The following CCDC178 variants were observed in gnomAD, a reference collection of about 807,000 sequenced individuals.
The protein encoded by CCDC178 is coiled-coil domain-containing protein 178.
In CCDC178, 126 loss-of-function variants were observed where a neutral mutation model predicts 117.4. The ratio of observed to expected loss-of-function variants is 1.07; its 90% CI spans 0.93 to 1.24. CCDC178 has a LOEUF of 1.24. Ranked by LOEUF, CCDC178 falls within the 50% of genes most tolerant of loss-of-function variation. CCDC178 has a pLI of 0.00. For synonymous variants in CCDC178, 283 were observed against 313.4 expected (o/e 0.90, Z 1.02); for missense variants, 1,030 against 986.9 (o/e 1.04, Z -0.59).
At chr18:33,380,066 TG>T (rs1305591189) in intron 5 of CCDC178, among the ~76,000 whole-genome samples, 1 of 152,108 alleles carries the variant, frequency 6.6e-6, no homozygotes, top group Non-Finnish European at 1.5e-5. Flanking sequence ...GATTTCTATC[TG>T]GGGGTGGAGT....
At position 33,346,412 on chromosome 18, in the gene CCDC178, C is replaced by T. The variant is rs1555689712; in HGVS notation, c.458-1G>A. 1 of 1,596,246 alleles carries T rather than the reference C, an allele frequency of 6.3e-7. No individual in the cohort carries two copies. The highest frequency in any genetic ancestry group is 8.6e-7 in the Non-Finnish European group (1 of 1,165,846). Reference sequence around the variant, plus strand: ...TGCTTTAACTCTGGACACTTTTCATCTTAAACAGAAATAAATATTCACATT... The same window carrying T: ...TGCTTTAACTCTGGACACTTTTCATTTTAAACAGAAATAAATATTCACATT... On this transcript the variant is annotated splice_acceptor_variant, in intron 8 of 22. Transcript: ENST00000383096. LOFTEE classifies it high-confidence loss of function.
chr18:33,257,335 G>T (rs1250471501), intron 14 of CCDC178, among the ~76,000 whole-genome samples: 1 of 151,946 alleles, frequency 6.6e-6, no homozygotes. Flanking sequence ...TCTTCCTTCG[G>T]CCTTTGCTCA....
chr18:33,237,199 A>G (rs113188456), intron 15 of CCDC178, among the ~76,000 whole-genome samples: 13,941 of 151,970 alleles, frequency 0.092, 797 homozygotes, highest in African/African-American at 0.16. Context: ...CAGTGGCTAC[A>G]CTCTACAACC....
At chr18:33,082,193 T>G (rs556973796) in intron 21 of CCDC178, among the ~76,000 whole-genome samples, 1 of 152,248 alleles carries the variant, frequency 6.6e-6, no homozygotes, top group South Asian at 2.1e-4. Flanking sequence ...TAATTAGGTC[T>G]GGCATGGTGG....
At chr18:33,093,934 G>A (rs907094713) in intron 20 of CCDC178, among the ~76,000 whole-genome samples, 2 of 151,930 alleles carry the variant, frequency 1.3e-5, no homozygotes, top group African/African-American at 4.8e-5. Flanking sequence ...CCATTGTGAA[G>A]CAATTAAAAT....
chr18:32,999,767 C>A (rs2055594249), intron 21 of CCDC178, among the ~76,000 whole-genome samples: 1 of 152,088 alleles, frequency 6.6e-6, no homozygotes, highest in South Asian at 2.1e-4. Flanking sequence ...TCTGTAAGAG[C>A]CACATTTTAC....
intron 20 of CCDC178, among the ~76,000 whole-genome samples, chr18:33,154,520 C>A (rs2058372999): frequency 6.6e-6 from 1 of 151,652 alleles, no homozygotes; most frequent in Non-Finnish European, 1.5e-5. Context: ...TAGTAGAGAA[C>A]AACAATATAA....
chr18:33,187,264 A>C (rs2058807809), intron 20 of CCDC178, among the ~76,000 whole-genome samples: 1 of 152,074 alleles, frequency 6.6e-6, no homozygotes, highest in African/African-American at 2.4e-5. Flanking sequence ...TTACAATTCA[A>C]GATGAGATTT....
At chr18:33,181,007 A>T (rs2058727709) in intron 20 of CCDC178, among the ~76,000 whole-genome samples, 1 of 151,940 alleles carries the variant, frequency 6.6e-6, no homozygotes, top group African/African-American at 2.4e-5. Flanking sequence ...TTTTTTTCTA[A>T]AGGCAGCTTA....
At chr18:32,959,573 T>C (rs2054664655) in intron 22 of CCDC178, among the ~76,000 whole-genome samples, 1 of 152,130 alleles carries the variant, frequency 6.6e-6, no homozygotes, top group Non-Finnish European at 1.5e-5. Flanking sequence ...TTCATCTTTT[T>C]TGAGTTTTCT....
chr18:33,416,931 T>TA (rs34973221), intron 2 of CCDC178, among the ~76,000 whole-genome samples: 121,454 of 151,732 alleles, frequency 0.8, 48,839 homozygotes, highest in East Asian at 0.99. Flanking sequence ...TGACTAAAAT[T>TA]AAAAAAAATA....
rs149416520 is a variant in CCDC178 at position 33,253,995 on chromosome 18, G to A, written c.1410-8567C>T. Among the ~76,000 whole-genome samples the A allele has an allele frequency of 8.0e-4, 122 of 151,856 alleles. 1 individual carries two copies. The East Asian group carries it at 0.022, about 27-fold the overall frequency. ...AATAAAGTTTTTATTAATTAAAATA[G>A]TATATAAAGACTGCATGACTCTTTA... On this transcript the variant is annotated intron_variant, in intron 14 of 22. Transcript: ENST00000383096.
intron 2 of CCDC178, among the ~76,000 whole-genome samples, chr18:33,438,000 C>A (rs551997186): frequency 1.7e-4 from 26 of 152,130 alleles, no homozygotes; most frequent in African/African-American, 5.5e-4. Flanking sequence ...TTTAAATTTA[C>A]CTAACTGAAT....
chr18:32,983,889 C>A (rs1044628620), intron 21 of CCDC178, among the ~76,000 whole-genome samples: 1 of 151,900 alleles, frequency 6.6e-6, no homozygotes, highest in Non-Finnish European at 1.5e-5. Context: ...ATAACCCAAA[C>A]AATAGCAATT....
intron 15 of CCDC178, among the ~76,000 whole-genome samples, chr18:33,237,983 A>C (rs1012597191): frequency 6.6e-6 from 1 of 152,178 alleles, no homozygotes; most frequent in East Asian, 1.9e-4. Flanking sequence ...CTCTTAACAA[A>C]GTCACACCAC....
chr18:33,435,561 C>A (rs999699039), intron 2 of CCDC178, among the ~76,000 whole-genome samples: 1 of 151,960 alleles, frequency 6.6e-6, no homozygotes, highest in East Asian at 1.9e-4. Flanking sequence ...AGTCAACAGA[C>A]AGTAACACTA....
At chr18:33,247,045 G>A (rs894064602) in intron 14 of CCDC178, among the ~76,000 whole-genome samples, 1 of 150,360 alleles carries the variant, frequency 6.7e-6, no homozygotes, top group Non-Finnish European at 1.5e-5. Flanking sequence ...GGAGAGAGAG[G>A]GGTGTATGTG....
At chr18:33,187,231 G>A (rs1008903130) in intron 20 of CCDC178, among the ~76,000 whole-genome samples, 7 of 151,978 alleles carry the variant, frequency 4.6e-5, no homozygotes, top group Admixed American at 4.6e-4. Context: ...CTCCCATCAG[G>A]TCCCTCCCTT....
chr18:33,231,960 T>C (rs187518049), intron 15 of CCDC178, among the ~76,000 whole-genome samples: 166 of 152,310 alleles, frequency 1.1e-3, no homozygotes, highest in Admixed American at 6.0e-3. Flanking sequence ...TCCTGTGTTC[T>C]TTAGAACAGA....
Sources: gnomAD v4.1 joint callset for allele counts (sites outside exome capture counted in the v4.1 genomes callset) on GRCh38, gnomAD v4.1.1 for gene constraint, MANE v1.5 for transcripts, NCBI Gene and HGNC (gene_info 2026-07-23, HGNC 2026-07-21) for gene names.